KAZN: variants seen among roughly 807,000 people sequenced by gnomAD.
The protein encoded by KAZN is kazrin, periplakin interacting protein.
A neutral mutation model predicts 87.4 loss-of-function variants in KAZN; 40 were observed. That is an observed-to-expected ratio of 0.46 (90% confidence interval 0.36 to 0.60). KAZN has a LOEUF of 0.60. KAZN is among the 20% of genes least tolerant of loss of function. The probability of loss-of-function intolerance (pLI) is 0.00; values close to 1 mark genes in which losing one functional copy is unlikely to be tolerated. For synonymous variants in KAZN, 466 were observed against 458.3 expected (o/e 1.02, Z -0.22); for missense variants, 898 against 1,073.9 (o/e 0.84, Z 2.29).
At chr1:14,720,003 G>A (rs914388992) in intron 1 of KAZN, among the ~76,000 whole-genome samples, 7 of 152,162 alleles carry the variant, frequency 4.6e-5, no homozygotes, top group Non-Finnish European at 1.0e-4. Context: ...AGGGACAGGA[G>A]GGCAGCAAGC....
At chr1:14,732,467 C>A (rs1643720484) in intron 1 of KAZN, among the ~76,000 whole-genome samples, 1 of 152,020 alleles carries the variant, frequency 6.6e-6, no homozygotes, top group Non-Finnish European at 1.5e-5. Context: ...GGTGAAACCC[C>A]CTCTCTATAA....
chr1:14,791,156 G>T (rs1361965771), intron 1 of KAZN, among the ~76,000 whole-genome samples: 2 of 152,188 alleles, frequency 1.3e-5, no homozygotes, highest in African/African-American at 4.8e-5. Context: ...ATCAACTCCT[G>T]TTCCTCTTTG....
chr1:14,330,422 C>T (rs1259786986), intron 2 of KAZN, among the ~76,000 whole-genome samples: 1 of 152,134 alleles, frequency 6.6e-6, no homozygotes, highest in Non-Finnish European at 1.5e-5. Context: ...CCTAGCTGTG[C>T]CAGTGAGGAG....
At chr1:15,109,916 T>TATGG (rs1415628284) in intron 13 of KAZN, among the ~76,000 whole-genome samples, 44 of 150,754 alleles carry the variant, frequency 2.9e-4, no homozygotes, top group African/African-American at 8.2e-4. Flanking sequence ...TGTGTATGTT[T>TATGG]GTGTATGGGT....
At chr1:14,125,218 T>C (rs959720810) in intron 1 of KAZN, among the ~76,000 whole-genome samples, 2 of 152,138 alleles carry the variant, frequency 1.3e-5, no homozygotes, top group African/African-American at 2.4e-5. Context: ...ACCCACTGGA[T>C]GTCAGAAGCA....
intron 1 of KAZN, among the ~76,000 whole-genome samples, chr1:14,843,130 A>G (rs548182740): frequency 2.5e-4 from 38 of 152,290 alleles, no homozygotes; most frequent in African/African-American, 9.1e-4. Context: ...TTAAAACCAC[A>G]TTCACTGTAG....
At chr1:13,948,126 A>G (rs1042714778) in intron 1 of KAZN, among the ~76,000 whole-genome samples, 3 of 152,080 alleles carry the variant, frequency 2.0e-5, no homozygotes, top group Non-Finnish European at 4.4e-5. Context: ...TTAAGAACTG[A>G]TTTCTTGGTA....
chr1:14,981,651 A>G (rs1666263006), intron 2 of KAZN, among the ~76,000 whole-genome samples: 1 of 152,198 alleles, frequency 6.6e-6, no homozygotes, highest in Non-Finnish European at 1.5e-5. Context: ...ACAATATGAC[A>G]AACACAATAC....
chr1:13,938,479 T>G (rs1361114942), intron 1 of KAZN, among the ~76,000 whole-genome samples: 1 of 152,208 alleles, frequency 6.6e-6, no homozygotes, highest in Non-Finnish European at 1.5e-5. Flanking sequence ...ACAAAGATAA[T>G]TTGACTTCCT....
chr1:14,810,594 C>T (rs1646376531), intron 1 of KAZN, among the ~76,000 whole-genome samples: 1 of 152,172 alleles, frequency 6.6e-6, no homozygotes, highest in South Asian at 2.1e-4. Context: ...CCCACATTAG[C>T]TCATTCAGTC....
In KAZN at chr1:14,011,284, G is replaced by A. The variant is rs549982378; in HGVS notation, c.91+117528G>A. 1.2e-4 allele frequency among the ~76,000 whole-genome samples: 18 copies of A among 152,304 alleles called. No individual in the cohort carries two copies. In the East Asian group the frequency reaches 2.3e-3, roughly 20 times the overall value. On this transcript the variant is annotated intron_variant, in intron 1 of 16. Coordinates refer to the KAZN transcript ENST00000636203. ...TCAGATTCGTTTCGCACTCTTTCTT[G>A]CTCACCATGATCCAGCTCCAGGTCT...
chr1:14,594,182 T>C (rs1676356015), upstream of KAZN, among the ~76,000 whole-genome samples: 2 of 152,176 alleles, frequency 1.3e-5, no homozygotes, highest in South Asian at 4.1e-4. Flanking sequence ...AATTACTCAT[T>C]GCGCCCTCTT....
chr1:14,239,563 C>A (rs763028465), intron 2 of KAZN, among the ~76,000 whole-genome samples: 1 of 148,096 alleles, frequency 6.8e-6, no homozygotes, highest in Non-Finnish European at 1.5e-5. Flanking sequence ...CGGGTTCAGG[C>A]GATTCTCCTG....
intron 8 of KAZN, among the ~76,000 whole-genome samples, chr1:15,085,213 C>T (rs1009551605): frequency 6.6e-6 from 1 of 152,086 alleles, no homozygotes; most frequent in Non-Finnish European, 1.5e-5. Context: ...ATTGCTGTAT[C>T]GAATACACTA....
At chr1:14,901,764 A>T (rs1655946104) in intron 1 of KAZN, among the ~76,000 whole-genome samples, 1 of 152,204 alleles carries the variant, frequency 6.6e-6, no homozygotes, top group Admixed American at 6.5e-5. Context: ...TCCAAGGTCA[A>T]GGTTCAAAGG....
At chr1:14,100,027 G>C (rs1644214566) in intron 1 of KAZN, among the ~76,000 whole-genome samples, 1 of 152,000 alleles carries the variant, frequency 6.6e-6, no homozygotes, top group Non-Finnish European at 1.5e-5. Flanking sequence ...TAAAGTACTG[G>C]AGAATGGCCA....
rs961583894 is a variant in KAZN, at chr1:14,679,046, A to G, written c.226+79823A>G. 2.0e-5 allele frequency among the ~76,000 whole-genome samples: 3 copies of G among 152,356 alleles called. No individual in the cohort carries two copies. The South Asian group carries it at 6.2e-4, about 32-fold the overall frequency. On this transcript the variant is annotated intron_variant, in intron 1 of 14. Coordinates refer to ENST00000376030, the MANE Select transcript of KAZN (RefSeq NM_201628.3). ...CACAGACTTTACCTTTTGCAAGCCT[A>G]CTATGTGCCAGACACTCGTCACGCT...
At position 14,735,697 on chromosome 1, in the gene KAZN, C is replaced by G. The variant is rs1392154203; in HGVS notation, c.226+136474C>G. Reference sequence around the variant, plus strand: ...GGCCAGTTTCCATTACTCTCCCGACCTGTTCCAGATTTCCAAAGCGGCATG... The same window carrying G: ...GGCCAGTTTCCATTACTCTCCCGACGTGTTCCAGATTTCCAAAGCGGCATG... On this transcript the variant is annotated intron_variant, in intron 1 of 14. Coordinates refer to ENST00000376030, the MANE Select transcript of KAZN (RefSeq NM_201628.3). The surrounding 1 kb of genome is among the most constrained non-coding windows in gnomAD (Gnocchi z 4.3). 2.0e-5 allele frequency among the ~76,000 whole-genome samples: 3 copies of G among 152,238 alleles called. No homozygotes were observed. Among genetic ancestry groups the G allele is most frequent in the Non-Finnish European group, 4.4e-5 (3 of 68,048 alleles).
At chr1:14,276,462 C>G (rs148495822) in intron 2 of KAZN, among the ~76,000 whole-genome samples, 12 of 152,154 alleles carry the variant, frequency 7.9e-5, no homozygotes, top group African/African-American at 2.9e-4. Flanking sequence ...AATTTGTTGC[C>G]TCGCAGTTCT....
Sources: gnomAD v4.1 joint callset for allele counts (sites outside exome capture counted in the v4.1 genomes callset) on GRCh38, gnomAD v4.1.1 for gene constraint, Gnocchi (gnomAD v3.1) non-coding constraint, MANE v1.5 for transcripts, NCBI Gene and HGNC (gene_info 2026-07-23, HGNC 2026-07-21) for gene names.